Variants in KAZN observed in about 807,000 individuals in gnomAD.
KAZN encodes the protein kazrin, periplakin interacting protein, also known as kazrin.
In KAZN, 40 loss-of-function variants were observed where a neutral mutation model predicts 87.4. The observed-to-expected ratio is 0.46, with a 90% CI of 0.36 to 0.60. The LOEUF (loss-of-function observed/expected upper bound fraction) is 0.60, where lower values mean the gene tolerates loss of function less well. KAZN is among the 20% of genes least tolerant of loss of function. The probability of loss-of-function intolerance (pLI) is 0.00; values close to 1 mark genes in which losing one functional copy is unlikely to be tolerated. For missense variants in KAZN, 898 were observed against 1,073.9 expected (o/e 0.84, Z 2.29); for synonymous variants, 466 against 458.3 (o/e 1.02, Z -0.22).
intron 2 of KAZN, among the ~76,000 whole-genome samples, chr1:14,414,062 T>C (rs2101218409): frequency 6.6e-6 from 1 of 152,196 alleles, no homozygotes; most frequent in South Asian, 2.1e-4. Context: ...GGTGGAGAAA[T>C]GTCCAAGGCC....
At chr1:14,671,874 A>T (rs991507833) in intron 1 of KAZN, among the ~76,000 whole-genome samples, 7 of 152,156 alleles carry the variant, frequency 4.6e-5, no homozygotes, top group Admixed American at 2.6e-4. Flanking sequence ...TGAGCGGAGG[A>T]GTGTGGATTC....
chr1:13,942,930 A>T (rs191731040), intron 1 of KAZN, among the ~76,000 whole-genome samples: 12 of 152,352 alleles, frequency 7.9e-5, no homozygotes, highest in Admixed American at 5.9e-4. Context: ...GTAGTAACCT[A>T]CATAGTGAAG....
chr1:14,687,521 G>A (rs896737676), intron 1 of KAZN, among the ~76,000 whole-genome samples: 2 of 152,220 alleles, frequency 1.3e-5, no homozygotes, highest in Admixed American at 6.5e-5. Flanking sequence ...GGAAAAGCGT[G>A]TGTGCTCTGG....
chr1:14,424,561 A>T (rs1297733475), intron 2 of KAZN, among the ~76,000 whole-genome samples: 1 of 152,194 alleles, frequency 6.6e-6, no homozygotes, highest in Non-Finnish European at 1.5e-5. Flanking sequence ...ATTCACATGG[A>T]CACTGACATA....
intron 2 of KAZN, among the ~76,000 whole-genome samples, chr1:14,457,497 A>C (rs1557734269): frequency 1.3e-5 from 2 of 152,168 alleles, no homozygotes; most frequent in Non-Finnish European, 2.9e-5. Context: ...CATAATGTCC[A>C]TTTTTGAACA....
At chr1:14,556,370 A>G (rs1328569624) in intron 2 of KAZN, among the ~76,000 whole-genome samples, 1 of 152,030 alleles carries the variant, frequency 6.6e-6, no homozygotes, top group East Asian at 1.9e-4. Flanking sequence ...CGGCCACCCA[A>G]AGTGCTGGGA....
At chr1:14,305,415 C>T (rs1411228496) in intron 2 of KAZN, among the ~76,000 whole-genome samples, 1 of 152,064 alleles carries the variant, frequency 6.6e-6, no homozygotes, top group African/African-American at 2.4e-5. Context: ...TAGTTCTCAC[C>T]AGATTTGCAA....
chr1:14,896,591 C>T (rs1307909903), intron 1 of KAZN, among the ~76,000 whole-genome samples: 3 of 152,202 alleles, frequency 2.0e-5, no homozygotes, highest in African/African-American at 7.2e-5. Context: ...GAGAATGGAT[C>T]TCTGCTGGTG....
chr1:14,026,559 A>G (rs1641078595), intron 1 of KAZN, among the ~76,000 whole-genome samples: 1 of 152,204 alleles, frequency 6.6e-6, no homozygotes, highest in Admixed American at 6.5e-5. Flanking sequence ...AGCTTGATTT[A>G]AAAATAATTT....
chr1:14,758,092 T>TG (rs1437117604), intron 1 of KAZN, among the ~76,000 whole-genome samples: 4 of 146,534 alleles, frequency 2.7e-5, no homozygotes, highest in African/African-American at 5.2e-5. Context: ...TTTGTTTGTT[T>TG]GTTTGTTTGT....
intron 1 of KAZN, among the ~76,000 whole-genome samples, chr1:14,090,318 C>G (rs1198316818): frequency 1.3e-5 from 2 of 151,908 alleles, no homozygotes; most frequent in African/African-American, 4.8e-5. Context: ...GTCTCTTTTT[C>G]TCTGTATGCT....
Position 15,094,758 on chromosome 1 carries a change from C to A in KAZN, c.1429-57C>A, listed in dbSNP as rs181490887. 9.6e-6 allele frequency: 13 copies of A among 1,349,392 alleles called. No homozygotes were observed. The Admixed American group carries it at 2.6e-4, about 27-fold the overall frequency. The allele number at this position is 1,349,392 out of a possible 1,614,324, so 83.6% of individuals were successfully genotyped here. A position where few individuals can be genotyped will look rare whatever the true frequency, so the allele number is the denominator to read the frequency against. On this transcript the variant is annotated intron_variant, in intron 9 of 14. Transcript: ENST00000376030. This position sits in a 1 kb window ranked among gnomAD's most constrained non-coding sequence, Gnocchi z 4.5. ...CCATGTCAACAGACCCCCTCTAGGG[C>A]AGGAACCCCGCCGGCAGCTGTCCCA... is the stretch of plus-strand genomic sequence containing the variant.
Position 15,094,079 on chromosome 1 carries a change from A to G in KAZN, c.1223-101A>G. ...ATTTTGAAGAGAATACATGGAGGGG[A>G]GGATGTCCCCACCACCCTCTGCCTC... is the stretch of plus-strand genomic sequence containing the variant. On this transcript the variant is annotated intron_variant, in intron 8 of 14. Coordinates refer to ENST00000376030, the MANE Select transcript of KAZN (RefSeq NM_201628.3). This position sits in a 1 kb window ranked among gnomAD's most constrained non-coding sequence, Gnocchi z 4.5. The G allele has an allele frequency of 6.1e-6, 6 of 975,766 alleles. No homozygotes were observed. Among genetic ancestry groups the G allele is most frequent in the Non-Finnish European group, 9.2e-6 (6 of 652,172 alleles). 60.4% of individuals were successfully genotyped at this position (975,766 alleles called of 1,614,324 possible).
intron 2 of KAZN, among the ~76,000 whole-genome samples, chr1:14,462,754 T>C (rs1383859231): frequency 6.6e-6 from 1 of 152,120 alleles, no homozygotes; most frequent in Non-Finnish European, 1.5e-5. Context: ...AACTCCTCTT[T>C]ATAAAACCAT....
At chr1:14,772,326 A>G (rs1415548206) in intron 1 of KAZN, among the ~76,000 whole-genome samples, 1 of 152,098 alleles carries the variant, frequency 6.6e-6, no homozygotes, top group Admixed American at 6.5e-5. Flanking sequence ...TCTATAAAAA[A>G]TTTAACAATT....
chr1:13,930,987 C>A (rs1274481117), intron 1 of KAZN, among the ~76,000 whole-genome samples: 2 of 152,164 alleles, frequency 1.3e-5, no homozygotes, highest in East Asian at 1.9e-4. Context: ...TCTTACCTAC[C>A]ACCCCTGACC....
intron 2 of KAZN, among the ~76,000 whole-genome samples, chr1:14,414,827 C>G (rs979850224): frequency 6.6e-6 from 1 of 151,998 alleles, no homozygotes; most frequent in Admixed American, 6.6e-5. Flanking sequence ...GAGTTCGAGA[C>G]CAGCCTAACC....
chr1:14,525,688 A>T (rs1387146421), intron 2 of KAZN, among the ~76,000 whole-genome samples: 5 of 152,174 alleles, frequency 3.3e-5, no homozygotes. Flanking sequence ...TAGGAAAAAA[A>T]ATGATTGTAA....
At chr1:14,340,299 A>G (rs546466492) in intron 2 of KAZN, among the ~76,000 whole-genome samples, 22 of 152,376 alleles carry the variant, frequency 1.4e-4, no homozygotes, top group East Asian at 1.2e-3. Context: ...ATATTAAGCT[A>G]TGTGTTTCTT....
Sources: gnomAD v4.1 joint callset for allele counts (sites outside exome capture counted in the v4.1 genomes callset) on GRCh38, gnomAD v4.1.1 for gene constraint, Gnocchi (gnomAD v3.1) non-coding constraint, MANE v1.5 for transcripts, NCBI Gene and HGNC (gene_info 2026-07-23, HGNC 2026-07-21) for gene names.